The following ERG variants were observed in gnomAD, a reference collection of about 807,000 sequenced individuals.
ERG encodes transcriptional regulator ERG.
Under a neutral mutation model 55.3 loss-of-function variants are expected in ERG, and 9 were observed. The ratio of observed to expected loss-of-function variants is 0.16; its 90% confidence interval spans 0.10 to 0.28. The LOEUF is 0.28. Among genes scored for constraint, ERG ranks in the 10% least tolerant of loss-of-function variants. The probability of loss-of-function intolerance (pLI) is 1.00; values close to 1 mark genes in which losing one functional copy is unlikely to be tolerated. For synonymous variants in ERG, 223 were observed against 237.3 expected (o/e 0.94, Z 0.55); for missense variants, 434 against 631.6 (o/e 0.69, Z 3.35).
Position 38,569,964 on chromosome 21 carries a change from T to C in ERG, c.-41+5698A>G, listed in dbSNP as rs188367190. On this transcript the variant is annotated intron_variant, in intron 2 of 8. Coordinates refer to the ERG transcript ENST00000398897. The stretch of plus-strand genomic sequence containing the variant: ...GCTGTATAGTACTCCATTGGTGGAG[T>C]ACAATAGGTTTATGTATCCACTTTT... Among the ~76,000 whole-genome samples the C allele has an allele frequency of 1.3e-3, 201 of 152,232 alleles. 1 individual carries two copies. The highest frequency in any genetic ancestry group is 4.6e-3 in the African/African-American group (191 of 41,536).
chr21:38,477,003 TTTCC>T (rs1271171325), intron 1 of ERG, among the ~76,000 whole-genome samples: 1 of 138,236 alleles, frequency 7.2e-6, no homozygotes, highest in Non-Finnish European at 1.5e-5. Flanking sequence ...CTTTTCTTTC[TTTCC>T]TTTTTTTTTT....
chr21:38,472,911 C>A (rs1282998936), intron 1 of ERG, among the ~76,000 whole-genome samples: 1 of 152,160 alleles, frequency 6.6e-6, no homozygotes, highest in South Asian at 2.1e-4. Flanking sequence ...GGAGCCCCAG[C>A]AGGGCCTGGA....
chr21:38,527,317 TTGGAAA>T (rs2059637121), intron 2 of ERG, among the ~76,000 whole-genome samples: 1 of 152,176 alleles, frequency 6.6e-6, no homozygotes, highest in Non-Finnish European at 1.5e-5. Flanking sequence ...AGCTGGGGGC[TTGGAAA>T]TGGAAACGTA....
intron 1 of ERG, among the ~76,000 whole-genome samples, chr21:38,582,271 G>A (rs1259294849): frequency 6.6e-6 from 1 of 152,164 alleles, no homozygotes. Flanking sequence ...GGTAACCTGG[G>A]GACCCAATAC....
chr21:38,418,078 T>C (rs1376109667), intron 3 of ERG, among the ~76,000 whole-genome samples: 2 of 152,218 alleles, frequency 1.3e-5, no homozygotes, highest in Non-Finnish European at 2.9e-5. Flanking sequence ...CTTTCCTTTT[T>C]GTCTACTTGC....
chr21:38,406,760 T>A (rs993430521), intron 3 of ERG, among the ~76,000 whole-genome samples: 1 of 152,200 alleles, frequency 6.6e-6, no homozygotes, highest in African/African-American at 2.4e-5. Flanking sequence ...AAATGACACA[T>A]AAACATATTG....
rs187152852 is a variant in ERG, at chr21:38,516,438, C to T, written c.-41+59224G>A. ...GCGAAAAATCTCTACAAAAAAACTA[C>T]AAAACACTAATGAAAGAAATGGAAA... is the stretch of plus-strand genomic sequence containing the variant. On this transcript the variant is annotated intron_variant, in intron 2 of 8. Transcript: ENST00000398897. Among the ~76,000 whole-genome samples the T allele has an allele frequency of 8.6e-5, 13 of 151,768 alleles. No homozygotes were observed. The East Asian group carries it at 1.5e-3, about 18-fold the overall frequency.
intron 3 of ERG, among the ~76,000 whole-genome samples, chr21:38,420,422 C>T (rs1989492026): frequency 6.6e-6 from 1 of 152,174 alleles, no homozygotes; most frequent in Admixed American, 6.5e-5. Context: ...CTTACAAACA[C>T]TATTAACTGA....
upstream of ERG, among the ~76,000 whole-genome samples, chr21:38,501,152 G>A (rs1053089375): frequency 7.5e-6 from 1 of 132,706 alleles, no homozygotes; most frequent in African/African-American, 2.9e-5. Context: ...TGCAAGCTCC[G>A]CCTCCCAGCT....
intron 2 of ERG, among the ~76,000 whole-genome samples, chr21:38,442,617 C>A (rs1248288383): frequency 6.6e-6 from 1 of 151,962 alleles, no homozygotes; most frequent in Non-Finnish European, 1.5e-5. Context: ...GACTGTAGCC[C>A]CTTGCCTGGG....
intron 1 of ERG, among the ~76,000 whole-genome samples, chr21:38,584,284 T>A (rs1311767499): frequency 6.6e-6 from 1 of 152,208 alleles, no homozygotes; most frequent in Non-Finnish European, 1.5e-5. Context: ...GGGCATGCCT[T>A]AGAGAGAGGG....
At chr21:38,571,118 G>C (rs1433927405) in intron 2 of ERG, among the ~76,000 whole-genome samples, 3 of 152,044 alleles carry the variant, frequency 2.0e-5, no homozygotes, top group African/African-American at 7.2e-5. Context: ...TAATCATCTG[G>C]GTGCATCTTT....
chr21:38,532,039 G>A (rs904977922), intron 2 of ERG, among the ~76,000 whole-genome samples: 8 of 152,166 alleles, frequency 5.3e-5, no homozygotes, highest in Non-Finnish European at 1.2e-4. Flanking sequence ...AATTGTGTTG[G>A]TGTATAAATC....
intron 1 of ERG, among the ~76,000 whole-genome samples, chr21:38,592,571 C>CTGTG (rs56195027): frequency 0.026 from 3,776 of 148,052 alleles, 64 homozygotes; most frequent in East Asian, 0.08. Context: ...TCTCCCTTCA[C>CTGTG]TGTGTGTGTG....
chr21:38,547,647 G>A (rs1425100860), intron 2 of ERG, among the ~76,000 whole-genome samples: 1 of 152,182 alleles, frequency 6.6e-6, no homozygotes, highest in Admixed American at 6.5e-5. Context: ...TTGTTTTGCT[G>A]TTTATGTTGT....
At chr21:38,619,680 C>T (rs570966102) in intron 1 of ERG, among the ~76,000 whole-genome samples, 3 of 152,372 alleles carry the variant, frequency 2.0e-5, no homozygotes, top group Middle Eastern at 6.8e-3. Context: ...ACCAGCCTTA[C>T]GGCTTCATAA....
At chr21:38,445,294 C>T (rs1254612570) in intron 2 of ERG, 110 bp downstream of exon 2, 1 of 823,376 alleles carries the variant, frequency 1.2e-6, no homozygotes, top group East Asian at 2.7e-5. Flanking sequence ...GGCACAGTGG[C>T]CTTGCTTTCT....
rs753155336 is a variant in ERG, at chr21:38,391,514, T to G, written c.871+145A>C. On this transcript the variant is annotated intron_variant, in intron 8 of 9. Transcript: ENST00000288319. ...AAGTCACCTCGCATGAGTAGGCTGA[T>G]GACTTGGGCCCTATCTTATGTATGG... 2.5e-5 allele frequency: 16 copies of G among 643,240 alleles called. 1 individual carries two copies. Among genetic ancestry groups the G allele is most frequent in the Middle Eastern group, 5.2e-4 (2 of 3,878 alleles). 39.8% of individuals were successfully genotyped at this position (643,240 alleles called of 1,614,324 possible).
intron 1 of ERG, among the ~76,000 whole-genome samples, chr21:38,603,171 TA>T (rs1034469468): frequency 2.6e-5 from 4 of 151,966 alleles, no homozygotes; most frequent in Non-Finnish European, 4.4e-5. Flanking sequence ...TTTAGACCCC[TA>T]AAGACACCTC....
Sources: allele counts gnomAD v4.1 joint callset (sites outside exome capture counted in the v4.1 genomes callset), GRCh38; gene constraint gnomAD v4.1.1; transcripts MANE v1.5; gene names NCBI Gene and HGNC (gene_info 2026-07-23, HGNC 2026-07-21).